Variants in PDE4B observed in about 807,000 individuals in gnomAD.
The protein encoded by PDE4B is phosphodiesterase 4B.
In PDE4B, 20 loss-of-function variants were observed where a neutral mutation model predicts 82.2. The ratio of observed to expected loss-of-function variants is 0.24; its 90% CI spans 0.17 to 0.35. The LOEUF is 0.35. Among genes scored for constraint, PDE4B ranks in the 10% least tolerant of loss-of-function variants. The probability of loss-of-function intolerance (pLI) is 1.00; values close to 1 mark genes in which losing one functional copy is unlikely to be tolerated. For missense variants in PDE4B, 655 were observed against 907.2 expected (o/e 0.72, Z 3.57); for synonymous variants, 320 against 318.9 (o/e 1.00, Z -0.04).
intron 3 of PDE4B, among the ~76,000 whole-genome samples, chr1:65,933,389 C>T (rs1647945618): frequency 6.6e-6 from 1 of 151,858 alleles, no homozygotes; most frequent in Non-Finnish European, 1.5e-5. Flanking sequence ...TAGAGACTTT[C>T]CCAGACAAAT....
intron 3 of PDE4B, among the ~76,000 whole-genome samples, chr1:65,924,217 G>A (rs1350738708): frequency 6.9e-6 from 1 of 144,608 alleles, no homozygotes; most frequent in Non-Finnish European, 1.5e-5. Flanking sequence ...TGGGACTACA[G>A]GCGCCCGCCA....
chr1:66,287,310 C>G (rs1419431570), intron 7 of PDE4B, among the ~76,000 whole-genome samples: 3 of 152,242 alleles, frequency 2.0e-5, no homozygotes, highest in African/African-American at 7.2e-5. Context: ...GTCTTAATCA[C>G]ACATTGCCTG....
intron 1 of PDE4B, among the ~76,000 whole-genome samples, chr1:65,874,643 A>C (rs952061155): frequency 1.3e-5 from 2 of 152,030 alleles, no homozygotes; most frequent in Admixed American, 1.3e-4. Context: ...ATAACGCCGC[A>C]TACCTACAAC....
chr1:65,862,699 A>G (rs746543931), intron 1 of PDE4B, among the ~76,000 whole-genome samples: 7 of 152,096 alleles, frequency 4.6e-5, no homozygotes, highest in Admixed American at 6.5e-5. Context: ...TTTGGTTGGT[A>G]TGCTATTAAT....
At chr1:66,165,916 C>A in intron 3 of PDE4B, among the ~76,000 whole-genome samples, 2 of 147,992 alleles carry the variant, frequency 1.4e-5, no homozygotes, top group African/African-American at 2.5e-5. Flanking sequence ...TATGGAAATG[C>A]AAGGGACCTA....
intron 3 of PDE4B, among the ~76,000 whole-genome samples, chr1:66,066,414 A>C (rs961576133): frequency 1.3e-5 from 2 of 151,820 alleles, no homozygotes; most frequent in Admixed American, 6.6e-5. Flanking sequence ...TTCAAAGATA[A>C]GTTATTTTCC....
chr1:65,933,302 T>C (rs1372330079), intron 3 of PDE4B, among the ~76,000 whole-genome samples: 1 of 151,778 alleles, frequency 6.6e-6, no homozygotes, highest in African/African-American at 2.4e-5. Context: ...TGGGATGATA[T>C]ATTCAAAGTG....
chr1:65,821,247 TC>T (rs1238104903), intron 1 of PDE4B, among the ~76,000 whole-genome samples: 1 of 152,218 alleles, frequency 6.6e-6, no homozygotes, highest in Non-Finnish European at 1.5e-5. Flanking sequence ...TCTTTTTTAT[TC>T]TTGCTTAAGG....
chr1:66,191,547 C>G (rs576200144), intron 3 of PDE4B, among the ~76,000 whole-genome samples: 7 of 152,098 alleles, frequency 4.6e-5, no homozygotes, highest in Admixed American at 1.3e-4. Context: ...ACTGTCGAGT[C>G]AATAGACTAC....
intron 1 of PDE4B, among the ~76,000 whole-genome samples, chr1:65,811,417 C>G (rs1221810042): frequency 1.3e-5 from 2 of 152,192 alleles, no homozygotes; most frequent in African/African-American, 2.4e-5. Flanking sequence ...TAGAAAAGTA[C>G]TTAATACCCA....
chr1:65,809,206 C>G (rs1417452464), intron 1 of PDE4B, among the ~76,000 whole-genome samples: 1 of 151,748 alleles, frequency 6.6e-6, no homozygotes, highest in African/African-American at 2.4e-5. Context: ...TGGCACGGGC[C>G]TGTAATCCCA....
chr1:66,334,452 A>C (rs1178546003), intron 8 of PDE4B, among the ~76,000 whole-genome samples: 1 of 152,222 alleles, frequency 6.6e-6, no homozygotes, highest in East Asian at 1.9e-4. Context: ...CTCTGAGACC[A>C]GGCACTCTGT....
chr1:66,032,890 G>A (rs1653867693), intron 3 of PDE4B, among the ~76,000 whole-genome samples: 1 of 151,240 alleles, frequency 6.6e-6, no homozygotes, highest in African/African-American at 2.4e-5. Flanking sequence ...TTCTGACCTT[G>A]TGATCCACCC....
intron 3 of PDE4B, among the ~76,000 whole-genome samples, chr1:66,234,533 C>T (rs1425787859): frequency 2.6e-5 from 4 of 152,198 alleles, no homozygotes; most frequent in Non-Finnish European, 5.9e-5. Context: ...AGGTGATCCG[C>T]CTGGCTCAGC....
Position 65,913,319 on chromosome 1 carries a change from A to G in PDE4B, c.5A>G (p.Lys2Arg). The change falls in exon 2 of 17, where the codon AAG (lysine) becomes AGG (arginine). Residue 2 changes from lysine (K) to arginine (R), a missense_variant. By Grantham distance (26) the Lys-to-Arg change is conservative. Around this residue, in one of 3 missense-constraint regions of PDE4B, gnomAD observed 253 missense variants for 275.6 expected, o/e 0.92. Transcript: ENST00000341517. ...GGGATATTTTCCACCTCTATAATGA[A>G]GAAAAGCAGGAGTGTGATGACGGTG... M[K>R]KSRSVMTVMA... 1 of 1,613,656 alleles carries G rather than the reference A, an allele frequency of 6.2e-7. No homozygotes were observed. The highest frequency in any genetic ancestry group is 8.5e-7 in the Non-Finnish European group (1 of 1,179,596).
chr1:66,231,355 T>C (rs1651933838), intron 3 of PDE4B, among the ~76,000 whole-genome samples: 1 of 152,200 alleles, frequency 6.6e-6, no homozygotes, highest in Admixed American at 6.5e-5. Flanking sequence ...CTCTGTCCTT[T>C]TGATTACTCA....
chr1:66,263,856 T>TAATG (rs1341871673), intron 6 of PDE4B, among the ~76,000 whole-genome samples: 2 of 152,104 alleles, frequency 1.3e-5, no homozygotes, highest in Non-Finnish European at 2.9e-5. Context: ...ATGGCCTGAA[T>TAATG]AATGGCAGGA....
At chr1:66,070,036 T>C (rs886698702) in intron 3 of PDE4B, among the ~76,000 whole-genome samples, 2 of 152,066 alleles carry the variant, frequency 1.3e-5, no homozygotes, top group Non-Finnish European at 2.9e-5. Flanking sequence ...AGGGGGACTT[T>C]GAAATCTTGA....
chr1:66,149,262 T>TTA (rs1325628563), intron 3 of PDE4B, among the ~76,000 whole-genome samples: 20 of 152,202 alleles, frequency 1.3e-4, no homozygotes, highest in Non-Finnish European at 2.5e-4. Context: ...GGCCATCTGT[T>TTA]TATATTTTTT....
Sources: gnomAD v4.1 joint callset for allele counts (sites outside exome capture counted in the v4.1 genomes callset) on GRCh38, gnomAD v4.1.1 for gene constraint, gnomAD v4.1.1 regional missense constraint, MANE v1.5 for transcripts, NCBI Gene and HGNC (gene_info 2026-07-23, HGNC 2026-07-21) for gene names.